Variants in SLIT3 observed in about 807,000 individuals in gnomAD.
SLIT3 encodes slit homolog 3 protein.
A neutral mutation model predicts 184.0 loss-of-function variants in SLIT3; 68 were observed. The ratio of observed to expected loss-of-function variants is 0.37; its 90% confidence interval spans 0.30 to 0.45. SLIT3 has a LOEUF of 0.45. SLIT3 is among the 20% of genes least tolerant of loss of function. The pLI, the probability that SLIT3 is intolerant of heterozygous loss-of-function variation, is 1.00. For synonymous variants in SLIT3, 831 were observed against 828.6 expected, an observed-to-expected ratio of 1.00 and a Z score of -0.05; for missense variants, 1,707 against 2,026.0, an observed-to-expected ratio of 0.84 and a Z score of 3.02.
At chr5:168,746,926 T>C (rs111266213) in intron 20 of SLIT3, among the ~76,000 whole-genome samples, 2 of 115,412 alleles carry the variant, frequency 1.7e-5, no homozygotes, top group Non-Finnish European at 1.8e-5. Context: ...GTGGGTGTGG[T>C]GGTGTGTGGT....
intron 1 of SLIT3, among the ~76,000 whole-genome samples, chr5:169,273,963 C>A (rs1766717383): frequency 6.6e-6 from 1 of 152,170 alleles, no homozygotes; most frequent in South Asian, 2.1e-4. Flanking sequence ...AACAATCAAG[C>A]AACCTTGTAC....
chr5:168,724,361 C>A, intron 21 of SLIT3, 55 bp downstream of exon 21: 14 of 1,483,480 alleles, frequency 9.4e-6, no homozygotes, highest in Non-Finnish European at 1.3e-5. Flanking sequence ...CTTCAGTTTC[C>A]TGAGCGACCC....
chr5:169,213,060 A>G (rs72837954), intron 3 of SLIT3, among the ~76,000 whole-genome samples: 2,461 of 152,140 alleles, frequency 0.016, 35 homozygotes, highest in Non-Finnish European at 0.024. Flanking sequence ...TATATTTAGA[A>G]AACTTCACCA....
At chr5:169,039,225 G>C (rs549668670) in intron 4 of SLIT3, among the ~76,000 whole-genome samples, 1 of 152,170 alleles carries the variant, frequency 6.6e-6, no homozygotes, top group African/African-American at 2.4e-5. Context: ...TACCCTGAGG[G>C]GGTACAGGCT....
At chr5:169,294,767 T>C (rs1561791696) in intron 1 of SLIT3, among the ~76,000 whole-genome samples, 1 of 152,212 alleles carries the variant, frequency 6.6e-6, no homozygotes, top group Non-Finnish European at 1.5e-5. Context: ...CGAGCCCAGA[T>C]GGTCTAGCCT....
intron 4 of SLIT3, among the ~76,000 whole-genome samples, chr5:169,161,075 G>A (rs1482625289): frequency 2.0e-5 from 3 of 152,086 alleles, no homozygotes; most frequent in Non-Finnish European, 4.4e-5. Flanking sequence ...TCCTACATAC[G>A]TCCCCACCCA....
At chr5:169,107,656 G>A (rs538837663) in intron 4 of SLIT3, among the ~76,000 whole-genome samples, 12 of 152,284 alleles carry the variant, frequency 7.9e-5, no homozygotes, top group African/African-American at 2.9e-4. Flanking sequence ...CAGAAGGCTT[G>A]GAGCCTTTCA....
intron 4 of SLIT3, among the ~76,000 whole-genome samples, chr5:169,120,596 A>G (rs1199843017): frequency 1.3e-5 from 2 of 152,192 alleles, no homozygotes; most frequent in Non-Finnish European, 2.9e-5. Context: ...GACCTATGGA[A>G]CTGTAAGAGA....
chr5:168,850,964 T>C (rs998183623), intron 5 of SLIT3, among the ~76,000 whole-genome samples: 24 of 152,322 alleles, frequency 1.6e-4, no homozygotes, highest in African/African-American at 5.3e-4. Context: ...TTCCTGTATA[T>C]TGGGCTTTTG....
intron 4 of SLIT3, among the ~76,000 whole-genome samples, chr5:168,927,648 G>C (rs1470437914): frequency 6.6e-6 from 1 of 152,154 alleles, no homozygotes; most frequent in Non-Finnish European, 1.5e-5. Context: ...CAGCCATACA[G>C]CCATTCCTGG....
intron 4 of SLIT3, among the ~76,000 whole-genome samples, chr5:168,894,078 A>G (rs528899053): frequency 6.6e-6 from 1 of 152,322 alleles, no homozygotes; most frequent in East Asian, 1.9e-4. Flanking sequence ...AGCTCAAATA[A>G]AATGGCAGAT....
intron 12 of SLIT3, among the ~76,000 whole-genome samples, chr5:168,775,084 C>T (rs1239234533): frequency 2.0e-5 from 3 of 150,038 alleles, no homozygotes; most frequent in African/African-American, 7.4e-5. Flanking sequence ...GTCGCCCAGG[C>T]TGGAGTTCAA....
intron 3 of SLIT3, among the ~76,000 whole-genome samples, chr5:169,196,267 G>A (rs1410164389): frequency 6.6e-6 from 1 of 152,172 alleles, no homozygotes; most frequent in African/African-American, 2.4e-5. Context: ...GAAGCCGTTG[G>A]AACTGGAGAA....
At chr5:168,901,187 C>T (rs1469293087) in intron 4 of SLIT3, among the ~76,000 whole-genome samples, 5 of 151,990 alleles carry the variant, frequency 3.3e-5, no homozygotes, top group African/African-American at 4.8e-5. Flanking sequence ...GGTGAAACCC[C>T]GTCTCTACTA....
chr5:168,816,496 T>C (rs1757338283), intron 8 of SLIT3, among the ~76,000 whole-genome samples: 1 of 151,832 alleles, frequency 6.6e-6, no homozygotes, highest in Admixed American at 6.6e-5. Flanking sequence ...CAGGACTCTG[T>C]TTTAAAGCTA....
chr5:169,134,528 G>T (rs1473433324), intron 4 of SLIT3, among the ~76,000 whole-genome samples: 3 of 152,134 alleles, frequency 2.0e-5, no homozygotes, highest in African/African-American at 7.2e-5. Flanking sequence ...GCATCCTCAG[G>T]GACACCTTTC....
intron 35 of SLIT3, among the ~76,000 whole-genome samples, chr5:168,669,233 C>T (rs921781017): frequency 2.6e-5 from 4 of 152,226 alleles, no homozygotes; most frequent in African/African-American, 2.4e-5. Flanking sequence ...GTGTGAGTGA[C>T]TTCCAATTGT....
intron 12 of SLIT3, among the ~76,000 whole-genome samples, chr5:168,785,277 C>T (rs1021784580): frequency 2.0e-5 from 3 of 152,246 alleles, no homozygotes; most frequent in Non-Finnish European, 4.4e-5. Context: ...TCCTTCTCCA[C>T]ATCAGAGTTC....
At chr5:168,880,777 C>T (rs566406952) in intron 5 of SLIT3, among the ~76,000 whole-genome samples, 9 of 152,316 alleles carry the variant, frequency 5.9e-5, no homozygotes, top group African/African-American at 2.2e-4. Context: ...TATCAGACCG[C>T]CAAAACCATG....
Sources: allele counts gnomAD v4.1 joint callset (sites outside exome capture counted in the v4.1 genomes callset), GRCh38; gene constraint gnomAD v4.1.1; transcripts MANE v1.5; gene names NCBI Gene and HGNC (gene_info 2026-07-23, HGNC 2026-07-21).